CRHBP: variants seen among roughly 807,000 people sequenced by gnomAD.
CRHBP encodes the protein corticotropin releasing hormone binding protein, also known as corticotropin-releasing hormone-binding protein.
A neutral mutation model predicts 34.9 loss-of-function variants in CRHBP; 19 were observed. That is an observed-to-expected ratio of 0.55 (90% CI 0.38 to 0.80). The LOEUF (loss-of-function observed/expected upper bound fraction) is 0.80. Among genes scored for constraint, CRHBP ranks in the 30% least tolerant of loss-of-function variants. The pLI, the probability that CRHBP is intolerant of heterozygous loss-of-function variation, is 0.00. For synonymous variants in CRHBP, 154 were observed against 153.4 expected (o/e 1.00, Z -0.03); for missense variants, 328 against 409.2 (o/e 0.80, Z 1.71).
intron 5 of CRHBP, among the ~76,000 whole-genome samples, chr5:76,959,509 G>A (rs1434995349): frequency 6.6e-6 from 1 of 152,094 alleles, no homozygotes; most frequent in African/African-American, 2.4e-5. Context: ...GAGTTTGACC[G>A]CATTTTCTTG....
intron 6 of CRHBP, among the ~76,000 whole-genome samples, chr5:76,964,860 G>A (rs1015216037): frequency 1.3e-4 from 19 of 151,838 alleles, no homozygotes; most frequent in African/African-American, 4.6e-4. Flanking sequence ...GACAGAGTGA[G>A]ATTCTGTCTC....
chr5:76,967,647 A>G (rs1580096775), intron 6 of CRHBP, among the ~76,000 whole-genome samples: 1 of 152,174 alleles, frequency 6.6e-6, no homozygotes, highest in East Asian at 1.9e-4. Context: ...TATATAACCC[A>G]TACAGAGGAG....
intron 4 of CRHBP, among the ~76,000 whole-genome samples, chr5:76,958,004 C>CA (rs1303494995): frequency 5.9e-5 from 9 of 151,752 alleles, no homozygotes; most frequent in Non-Finnish European, 1.3e-4. Context: ...ACTAAAAATA[C>CA]AAAAATTAGC....
chr5:76,959,426 A>G (rs1745742064), intron 5 of CRHBP, among the ~76,000 whole-genome samples: 1 of 152,210 alleles, frequency 6.6e-6, no homozygotes. Context: ...CATTTTGCCT[A>G]AAAAATATTA....
At chr5:76,970,476 A>G (rs1462613436), downstream of CRHBP, among the ~76,000 whole-genome samples, 1 of 151,138 alleles carries the variant, frequency 6.6e-6, no homozygotes, top group Non-Finnish European at 1.5e-5. Flanking sequence ...GTTTTGGCTC[A>G]GTAGGTATTT....
At chr5:76,971,990 A>AT (rs1209065109), downstream of CRHBP, among the ~76,000 whole-genome samples, 1 of 152,100 alleles carries the variant, frequency 6.6e-6, no homozygotes, top group Non-Finnish European at 1.5e-5. Flanking sequence ...AATTCTGAGC[A>AT]TTTTTGCTCA....
rs1283553209 is a variant in CRHBP, at chr5:76,953,649, C to T, written c.130C>T (p.Leu44=). ...TCCTTTCCTGCTCTTCAGCGCCAAC[C>T]TGAAGCGGGAGCTGGCTGGGGAGCA... ...YDPFLLFSAN[L]KRELAGEQPY... is the part of the protein sequence containing the mutation. Residue 44 remains leucine, a synonymous_variant, in exon 2 of 7, where the codon CTG becomes TTG. Transcript: ENST00000274368. The T allele has an allele frequency of 1.9e-6, 3 of 1,612,062 alleles. No homozygotes were observed. Among genetic ancestry groups the T allele is most frequent in the South Asian group, 1.1e-5 (1 of 90,562 alleles).
chr5:76,955,296 T>C (rs74756441), intron 3 of CRHBP, among the ~76,000 whole-genome samples: 5,134 of 152,264 alleles, frequency 0.034, 287 homozygotes, highest in African/African-American at 0.12. Flanking sequence ...GCACGAAACC[T>C]AAATTATGCT....
chr5:76,964,109 T>C (rs1246887328), intron 6 of CRHBP, among the ~76,000 whole-genome samples: 1 of 152,166 alleles, frequency 6.6e-6, no homozygotes, highest in African/African-American at 2.4e-5. Context: ...TTTTCACTTT[T>C]TTATGCTCAT....
chr5:76,956,291 C>G (rs572563063), intron 4 of CRHBP, among the ~76,000 whole-genome samples: 1 of 152,080 alleles, frequency 6.6e-6, no homozygotes, highest in Non-Finnish European at 1.5e-5. Flanking sequence ...TGTGGTAGAC[C>G]GATGTCATGC....
rs190727794 is a variant in CRHBP, at chr5:76,979,987, C to T, written n.468-974C>T. 8.4e-3 allele frequency among the ~76,000 whole-genome samples: 1,239 copies of T among 147,170 alleles called. 22 individuals are homozygous for T. The highest frequency in any genetic ancestry group is 0.03 in the African/African-American group (1,183 of 39,854). On this transcript the variant is annotated intron_variant and non_coding_transcript_variant, in intron 3 of 3. Coordinates refer to the CRHBP transcript ENST00000514258. ...GTGGGGCCGGCCGGGCGCGGTGGCT[C>T]ACGCCTGTAATGCCAGCACTTTGGG...
chr5:76,971,359 C>T (rs1745941898), downstream of CRHBP, among the ~76,000 whole-genome samples: 1 of 152,194 alleles, frequency 6.6e-6, no homozygotes, highest in Admixed American at 6.5e-5. Context: ...ATATTTAAAG[C>T]TCAAGACCTG....
chr5:76,979,917 A>C (rs1403931014), intron 3 of CRHBP, among the ~76,000 whole-genome samples: 1 of 152,144 alleles, frequency 6.6e-6, no homozygotes, highest in Non-Finnish European at 1.5e-5. Context: ...CTTTGCAGAT[A>C]GGGAAACTGA....
At chr5:76,964,683 G>A (rs1207675194) in intron 6 of CRHBP, among the ~76,000 whole-genome samples, 2 of 152,018 alleles carry the variant, frequency 1.3e-5, no homozygotes, top group Non-Finnish European at 2.9e-5. Flanking sequence ...TGAAACCCCC[G>A]TCTCTACTAA....
In CRHBP at chr5:76,953,116, C is replaced by A; in HGVS notation, c.-19C>A. 1 of 1,613,690 alleles carries A rather than the reference C, an allele frequency of 6.2e-7. No homozygotes were observed. The highest frequency in any genetic ancestry group is 8.5e-7 in the Non-Finnish European group (1 of 1,179,546). On this transcript the variant is annotated 5_prime_UTR_variant, in exon 1 of 7. The change creates a new upstream start codon in the 5' untranslated region. Transcript: ENST00000274368. ...GGACCTCCGGAGCAGAGCACAGCAG[C>A]TGCAGAGGCAAGGCCAGCATGTCGC...
chr5:76,967,601 G>A (rs1052777949), intron 6 of CRHBP, among the ~76,000 whole-genome samples: 4 of 151,812 alleles, frequency 2.6e-5, no homozygotes, highest in Non-Finnish European at 4.4e-5. Flanking sequence ...TAAATAAAAG[G>A]AAAGTAATTC....
intron 6 of CRHBP, among the ~76,000 whole-genome samples, chr5:76,964,992 A>G (rs1368954267): frequency 6.6e-6 from 1 of 151,270 alleles, no homozygotes; most frequent in Admixed American, 6.6e-5. Flanking sequence ...CCCATAAAAT[A>G]AAAAAAAAGA....
chr5:76,961,612 C>A (rs1369771819), intron 5 of CRHBP, among the ~76,000 whole-genome samples: 1 of 152,198 alleles, frequency 6.6e-6, no homozygotes, highest in African/African-American at 2.4e-5. Context: ...AAACCCAGTA[C>A]ATAGTAGGTA....
At chr5:76,955,119 G>A (rs1312930310) in intron 3 of CRHBP, among the ~76,000 whole-genome samples, 1 of 152,134 alleles carries the variant, frequency 6.6e-6, no homozygotes, top group Non-Finnish European at 1.5e-5. Context: ...GGCTGTTGAA[G>A]CAGTTCTTGA....
Sources: gnomAD v4.1 joint callset for allele counts (sites outside exome capture counted in the v4.1 genomes callset) on GRCh38, gnomAD v4.1.1 for gene constraint, MANE v1.5 for transcripts, NCBI Gene and HGNC (gene_info 2026-07-23, HGNC 2026-07-21) for gene names.